RSPH14: variants seen among roughly 807,000 people sequenced by gnomAD.
RSPH14 encodes radial spoke head 14 homolog, also known as rhabdoid tumor deletion region gene 1.
A neutral mutation model predicts 26.7 loss-of-function variants in RSPH14; 20 were observed. That is an observed-to-expected ratio of 0.75 (90% CI 0.53 to 1.09). The LOEUF (loss-of-function observed/expected upper bound fraction) is 1.09. Ranked by LOEUF, RSPH14 falls within the 50% of genes least tolerant of loss-of-function variation. The probability of loss-of-function intolerance (pLI) is 0.00; values close to 1 mark genes in which losing one functional copy is unlikely to be tolerated. For missense variants in RSPH14, 449 were observed against 457.2 expected, an observed-to-expected ratio of 0.98 and a Z score of 0.16; for synonymous variants, 177 against 189.3, an observed-to-expected ratio of 0.93 and a Z score of 0.53.
At chr22:23,094,415 G>C (rs1291462870) in intron 4 of RSPH14, among the ~76,000 whole-genome samples, 5 of 152,164 alleles carry the variant, frequency 3.3e-5, no homozygotes, top group African/African-American at 2.4e-5. Flanking sequence ...GACTCGCGGG[G>C]TTGGTGAAAG....
chr22:23,098,329 AG>A (rs762858723), intron 4 of RSPH14, among the ~76,000 whole-genome samples: 29 of 152,342 alleles, frequency 1.9e-4, no homozygotes, highest in Admixed American at 7.2e-4. Context: ...TTTCTGACCT[AG>A]CCCGGCACCT....
intron 4 of RSPH14, chr22:23,124,488 G>C (rs1162062721): frequency 2.5e-6 from 1 of 398,844 alleles, no homozygotes; most frequent in African/African-American, 2.1e-5. Flanking sequence ...CTTGTTAATG[G>C]TGGGGTTTTC....
intron 4 of RSPH14, among the ~76,000 whole-genome samples, chr22:23,075,848 T>C (rs1414037275): frequency 6.6e-6 from 1 of 152,120 alleles, no homozygotes; most frequent in Non-Finnish European, 1.5e-5. Context: ...CTTTGTGAGG[T>C]CTGCCCCTGT....
intron 4 of RSPH14, among the ~76,000 whole-genome samples, chr22:23,096,588 A>G (rs925559905): frequency 6.6e-6 from 1 of 152,152 alleles, no homozygotes; most frequent in Non-Finnish European, 1.5e-5. Context: ...GGCAGAGGGA[A>G]CAGGGTGTGG....
intron 4 of RSPH14, chr22:23,123,724 G>A (rs565723022): frequency 4.9e-5 from 20 of 404,920 alleles, no homozygotes; most frequent in African/African-American, 4.0e-4. Context: ...GTCACTACAA[G>A]CCCAACCTGC....
chr22:23,103,707 ATCCTTGCAGGAAGCAG>A (rs1267502672), intron 4 of RSPH14, among the ~76,000 whole-genome samples: 1 of 152,184 alleles, frequency 6.6e-6, no homozygotes, highest in Non-Finnish European at 1.5e-5. Context: ...GCCCTGTGGC[ATCCTTGCAGGAAGCAG>A]TCCTTGTTCA....
In RSPH14 at chr22:23,140,207, C is replaced by T; in HGVS notation, c.199+15G>A. 2 of 1,612,378 alleles carry T rather than the reference C, an allele frequency of 1.2e-6. No individual in the cohort carries two copies. Among genetic ancestry groups the T allele is most frequent in the East Asian group, 2.2e-5 (1 of 44,890 alleles). ...AGGACCCCAGTCATGGTCACCTGTG[C>T]TGTGTCACGCTCACCTATGTTCATG... On this transcript the variant is annotated intron_variant, in intron 2 of 6. Coordinates refer to ENST00000216036, the MANE Select transcript of RSPH14 (RefSeq NM_014433.3).
At chr22:23,092,794 A>AGCTT (rs1285618000) in intron 4 of RSPH14, among the ~76,000 whole-genome samples, 1 of 152,232 alleles carries the variant, frequency 6.6e-6, no homozygotes, top group Non-Finnish European at 1.5e-5. Context: ...TGGACAGAGC[A>AGCTT]GCTTCTCTGC....
intron 4 of RSPH14, among the ~76,000 whole-genome samples, chr22:23,119,743 G>A (rs1315866695): frequency 6.6e-6 from 1 of 152,228 alleles, no homozygotes; most frequent in Non-Finnish European, 1.5e-5. Flanking sequence ...GAAGCTTCCT[G>A]TCTGAGCCCG....
rs180741770 is a variant in RSPH14, at chr22:23,141,189, C to T, written c.-52-717G>A. 7.9e-5 allele frequency among the ~76,000 whole-genome samples: 12 copies of T among 152,110 alleles called. 2 individuals carry two copies. Among genetic ancestry groups the T allele is most frequent in the African/African-American group, 2.7e-4 (11 of 41,490 alleles). ...ACTAAAAATACAAAAATTAGCTGGG[C>T]GTGATGGCGCATGCCTGTAGTCCCA... On this transcript the variant is annotated intron_variant, in intron 1 of 6. Coordinates refer to ENST00000216036, the MANE Select transcript of RSPH14 (RefSeq NM_014433.3).
intron 4 of RSPH14, among the ~76,000 whole-genome samples, chr22:23,127,456 G>T (rs1352548428): frequency 6.6e-6 from 1 of 152,202 alleles, no homozygotes; most frequent in Admixed American, 6.5e-5. Flanking sequence ...GACAGAAAAG[G>T]GCCTGCTCCT....
chr22:23,136,240 G>C (rs1447885163), intron 3 of RSPH14: 1 of 712,168 alleles, frequency 1.4e-6, no homozygotes, highest in African/African-American at 1.8e-5. Context: ...TTGTCCGTGG[G>C]ATGTCATGCA....
At position 23,130,530 on chromosome 22, in the gene RSPH14, A is replaced by AAGAAAGAAAGAAAGAAAGAAAG. The variant is rs1569193238; in HGVS notation, c.421+3495_421+3496insCTTTCTTTCTTTCTTTCTTTCT. ...AAAGAAAGAAAGAAAGAAAGAAAGA[A>AAGAAAGAAAGAAAGAAAGAAAG]AGAGAAAGAAGGAAAGAAGGAAAGA... is the stretch of plus-strand genomic sequence containing the variant. On this transcript the variant is annotated intron_variant, in intron 4 of 6. Coordinates refer to ENST00000216036, the MANE Select transcript of RSPH14 (RefSeq NM_014433.3). Among the ~76,000 whole-genome samples the AAGAAAGAAAGAAAGAAAGAAAG allele has an allele frequency of 1.4e-4, 17 of 124,506 alleles. No homozygotes were observed. The South Asian group carries it at 4.4e-3, about 32-fold the overall frequency. The allele number at this position is 124,506 out of a possible 152,430, so 81.7% of individuals were successfully genotyped here.
rs541716798 is a variant in RSPH14, at chr22:23,139,244, T to C, written c.200-302A>G. ...CATTTCTTTGACCTCAGGAGAGATA[T>C]GGGGTCAAATTATAACCCTGTGTCA... On this transcript the variant is annotated intron_variant, in intron 2 of 6. Coordinates refer to ENST00000216036, the MANE Select transcript of RSPH14 (RefSeq NM_014433.3). Among the ~76,000 whole-genome samples the C allele has an allele frequency of 8.8e-4, 134 of 152,362 alleles. 2 individuals are homozygous for C. The highest frequency in any genetic ancestry group is 8.2e-3 in the Admixed American group (125 of 15,308).
intron 4 of RSPH14, among the ~76,000 whole-genome samples, chr22:23,084,628 T>G (rs767746782): frequency 2.0e-5 from 3 of 152,228 alleles, no homozygotes; most frequent in Non-Finnish European, 4.4e-5. Flanking sequence ...TTGCTCATTT[T>G]TGCCTTCATC....
chr22:23,122,894 G>T (rs2146402896), intron 4 of RSPH14, among the ~76,000 whole-genome samples: 1 of 152,348 alleles, frequency 6.6e-6, no homozygotes, highest in East Asian at 1.9e-4. Flanking sequence ...GGCAAGGAGG[G>T]TGCTGCCGGC....
chr22:23,115,684 T>C (rs2069810066), intron 4 of RSPH14, among the ~76,000 whole-genome samples: 1 of 152,174 alleles, frequency 6.6e-6, no homozygotes, highest in Admixed American at 6.5e-5. Flanking sequence ...TGAGCACTGC[T>C]GGCCACCCCT....
intron 4 of RSPH14, among the ~76,000 whole-genome samples, chr22:23,129,346 C>T (rs6003518): frequency 0.48 from 72,876 of 151,832 alleles, 18,289 homozygotes; most frequent in Middle Eastern, 0.58. Flanking sequence ...GTAAACCCCG[C>T]GATGAAGGGC....
At position 23,117,003 on chromosome 22, in the gene RSPH14, G is replaced by A. The variant is rs114799702; in HGVS notation, c.421+17023C>T. On this transcript the variant is annotated intron_variant, in intron 4 of 6. Transcript: ENST00000216036. ...GCAGGAGGCTGATGCTGGAATATGC[G>A]CGCACCTGCTGGGGGATCTGTGCGC... Among the ~76,000 whole-genome samples the A allele has an allele frequency of 5.0e-3, 766 of 152,240 alleles. 5 individuals carry two copies. Among genetic ancestry groups the A allele is most frequent in the African/African-American group, 0.018 (744 of 41,534 alleles).
Sources: gnomAD v4.1 joint callset for allele counts (sites outside exome capture counted in the v4.1 genomes callset) on GRCh38, gnomAD v4.1.1 for gene constraint, MANE v1.5 for transcripts, NCBI Gene and HGNC (gene_info 2026-07-23, HGNC 2026-07-21) for gene names.